Variants in KIF13A observed in about 807,000 individuals in gnomAD.
The protein encoded by KIF13A is kinesin-like protein KIF13A.
KIF13A carries 79 observed loss-of-function variants against 212.2 expected under a neutral mutation model. The observed-to-expected ratio is 0.37, with a 90% CI of 0.31 to 0.45. The LOEUF (loss-of-function observed/expected upper bound fraction) is 0.45, where lower values mean the gene tolerates loss of function less well. Ranked by LOEUF, KIF13A falls within the 20% of genes least tolerant of loss-of-function variation. The pLI, the probability that KIF13A is intolerant of heterozygous loss-of-function variation, is 1.00. For missense variants in KIF13A, 1,901 were observed against 2,209.0 expected, an observed-to-expected ratio of 0.86 and a Z score of 2.79; for synonymous variants, 789 against 808.6, an observed-to-expected ratio of 0.98 and a Z score of 0.41.
intron 2 of KIF13A, among the ~76,000 whole-genome samples, chr6:17,932,803 GA>G (rs5874615): frequency 0.63 from 91,048 of 144,538 alleles, 28,537 homozygotes; most frequent in Non-Finnish European, 0.71. Context: ...AGAATGGAAA[GA>G]AAAAAAAAAA....
intron 2 of KIF13A, among the ~76,000 whole-genome samples, chr6:17,983,529 G>A (rs12205604): frequency 0.22 from 30,174 of 134,486 alleles, 3,466 homozygotes; most frequent in African/African-American, 0.33. Flanking sequence ...GTCTCACTCC[G>A]TTGCCCAGGC....
Position 17,794,618 on chromosome 6 carries a change from T to C in KIF13A, c.3029A>G (p.His1010Arg). The stretch of plus-strand genomic sequence containing the variant: ...TCCTGTGTTGACATCTTTTGCCTGA[T>C]GAAGTTCCACTGCAGCATACTCTCC... ...ELGEYAAVEL[H>R]QAKDVNTGGI... Residue 1010 changes from histidine to arginine, a missense_variant, in exon 24 of 39, where the codon CAT becomes CGT. Physicochemically the swap from His to Arg is conservative, Grantham distance 29. This residue lies in a region of KIF13A where 168 missense variants were observed against 250.9 expected (regional missense o/e 0.67). Coordinates refer to ENST00000259711, the MANE Select transcript of KIF13A (RefSeq NM_022113.6). This position sits in a 1 kb window ranked among gnomAD's most constrained non-coding sequence, Gnocchi z 4.1. 1.2e-5 allele frequency: 19 copies of C among 1,613,662 alleles called. No homozygotes were observed. The highest frequency in any genetic ancestry group is 1.6e-5 in the Non-Finnish European group (19 of 1,179,790).
Position 17,915,305 on chromosome 6 carries a change from C to A in KIF13A, c.147-17125G>T, listed in dbSNP as rs1774397851. On this transcript the variant is annotated intron_variant, in intron 2 of 38. Transcript: ENST00000259711. The surrounding 1 kb of genome is among the most constrained non-coding windows in gnomAD (Gnocchi z 4.4). ...CTTGCCTCCACCACTTTGTAGGGAC[C>A]TTGGACCTGGTGCTTAAGCTCTCAG... 6.6e-6 allele frequency among the ~76,000 whole-genome samples: 1 copy of A among 152,158 alleles called. No individual in the cohort carries two copies. The highest frequency in any genetic ancestry group is 6.6e-5 in the Admixed American group (1 of 15,266).
chr6:17,922,652 G>A (rs957122846), intron 2 of KIF13A, among the ~76,000 whole-genome samples: 4 of 151,310 alleles, frequency 2.6e-5, no homozygotes, highest in African/African-American at 9.7e-5. Flanking sequence ...TAAAAATCAG[G>A]AAAGTGAGGT....
At position 17,839,430 on chromosome 6, in the gene KIF13A, G is replaced by A. The variant is rs186407076; in HGVS notation, c.831-1847C>T. On this transcript the variant is annotated intron_variant, in intron 9 of 38. Coordinates refer to ENST00000259711, the MANE Select transcript of KIF13A (RefSeq NM_022113.6). This position sits in a 1 kb window ranked among gnomAD's most constrained non-coding sequence, Gnocchi z 4.3. ...AATGATGAAGTGATGAATAAAATCT[G>A]GTATATACACACAGTGGAATATCAT... is the stretch of plus-strand genomic sequence containing the variant. 6.6e-6 allele frequency among the ~76,000 whole-genome samples: 1 copy of A among 152,216 alleles called. No individual in the cohort carries two copies. Among genetic ancestry groups the A allele is most frequent in the East Asian group, 1.9e-4 (1 of 5,176 alleles).
At chr6:17,981,510 C>A (rs1014393859) in intron 2 of KIF13A, among the ~76,000 whole-genome samples, 1 of 149,946 alleles carries the variant, frequency 6.7e-6, no homozygotes. Context: ...CTGCCACCTA[C>A]GCCTCCCGGG....
chr6:17,855,914 T>G lies in KIF13A; in HGVS notation c.313+116A>C, dbSNP rs1768096420. ...TTTTATAAAGACGGGTCTTACTATG[T>G]TGCCCAGGCTGGTCTCAAACTCCTG... On this transcript the variant is annotated intron_variant, in intron 5 of 38. Coordinates refer to ENST00000259711, the MANE Select transcript of KIF13A (RefSeq NM_022113.6). This position sits in a 1 kb window ranked among gnomAD's most constrained non-coding sequence, Gnocchi z 4.1. 1 of 719,680 alleles carries G rather than the reference T, an allele frequency of 1.4e-6. No individual in the cohort carries two copies. Among genetic ancestry groups the G allele is most frequent in the Admixed American group, 2.8e-5 (1 of 35,928 alleles). The allele number at this position is 719,680 out of a possible 1,614,324, so 44.6% of individuals were successfully genotyped here.
intron 3 of KIF13A, among the ~76,000 whole-genome samples, chr6:17,890,555 C>T (rs1204599090): frequency 6.6e-6 from 1 of 151,956 alleles, no homozygotes; most frequent in African/African-American, 2.4e-5. Context: ...TCTTCCTCTG[C>T]ACCACCTCCT....
In KIF13A at chr6:17,794,962, A is replaced by C; in HGVS notation, c.2943-258T>G. Reference sequence around the variant, plus strand: ...TTTTGAGAAATGCACATATGAGTGTAACCTGCCCTATCACCTCAGAAAGTT... The same window carrying C: ...TTTTGAGAAATGCACATATGAGTGTCACCTGCCCTATCACCTCAGAAAGTT... On this transcript the variant is annotated intron_variant, in intron 23 of 38. Transcript: ENST00000259711. This position sits in a 1 kb window ranked among gnomAD's most constrained non-coding sequence, Gnocchi z 4.1. 1 of 379,560 alleles carries C rather than the reference A, an allele frequency of 2.6e-6. No homozygotes were observed. Among genetic ancestry groups the C allele is most frequent in the Non-Finnish European group, 4.7e-6 (1 of 212,378 alleles). The allele number at this position is 379,560 out of a possible 1,614,324, so 23.5% of individuals were successfully genotyped here. A position where few individuals can be genotyped will look rare whatever the true frequency, so the allele number is the denominator to read the frequency against.
intron 38 of KIF13A, 195 bp downstream of exon 38, chr6:17,770,919 A>AATT (rs1759439782): frequency 7.6e-6 from 4 of 526,174 alleles, no homozygotes; most frequent in Non-Finnish European, 1.3e-5. Context: ...GCAAAAAATA[A>AATT]ATAAATAAAT....
chr6:17,817,863 G>A (rs184810880), intron 16 of KIF13A, among the ~76,000 whole-genome samples: 14 of 152,272 alleles, frequency 9.2e-5, no homozygotes, highest in Admixed American at 6.5e-4. Context: ...AACATCTCAC[G>A]TGTACAGGCA....
intron 2 of KIF13A, among the ~76,000 whole-genome samples, chr6:17,983,122 G>C: frequency 7.0e-6 from 1 of 143,414 alleles, no homozygotes; most frequent in Non-Finnish European, 1.5e-5. Context: ...GCAGTGAGCC[G>C]AGATCACGCC....
At position 17,775,321 on chromosome 6, in the gene KIF13A, A is replaced by T. The variant is rs112071948; in HGVS notation, c.4171-259T>A. ...ATATTTTATGCTTCACATAAGTGGT[A>T]TCTTACTATATATGGTCTTATTCAA... On this transcript the variant is annotated intron_variant, in intron 34 of 38. Coordinates refer to ENST00000259711, the MANE Select transcript of KIF13A (RefSeq NM_022113.6). Among the ~76,000 whole-genome samples, 829 of 152,330 alleles carry T rather than the reference A, an allele frequency of 5.4e-3. 6 individuals carry two copies. Among genetic ancestry groups the T allele is most frequent in the African/African-American group, 0.019 (785 of 41,570 alleles).
intron 26 of KIF13A, among the ~76,000 whole-genome samples, chr6:17,788,838 C>A (rs1761283255): frequency 6.6e-6 from 1 of 152,164 alleles, no homozygotes; most frequent in Admixed American, 6.5e-5. Context: ...GATTCTCCTG[C>A]CTCAGCCTCC....
intron 38 of KIF13A, among the ~76,000 whole-genome samples, chr6:17,766,698 G>A (rs1759021422): frequency 6.6e-6 from 1 of 152,082 alleles, no homozygotes; most frequent in South Asian, 2.1e-4. Context: ...GGGATTACAA[G>A]TGTGAATCAC....
At chr6:17,851,157 CA>C (rs954090311) in intron 7 of KIF13A, among the ~76,000 whole-genome samples, 2 of 151,966 alleles carry the variant, frequency 1.3e-5, no homozygotes, top group Admixed American at 6.6e-5. Context: ...ACCTTTAGAC[CA>C]AAAAAGTATC....
At chr6:17,833,014 C>CA (rs61281213) in intron 12 of KIF13A, among the ~76,000 whole-genome samples, 1,910 of 75,286 alleles carry the variant, frequency 0.025, 215 homozygotes, top group Non-Finnish European at 0.033. Context: ...ACTCTGTCTG[C>CA]AAAAAAAAAA....
intron 16 of KIF13A, among the ~76,000 whole-genome samples, chr6:17,821,130 G>C (rs1764394475): frequency 6.6e-6 from 1 of 151,994 alleles, no homozygotes; most frequent in Non-Finnish European, 1.5e-5. Context: ...CAAAGTGCTG[G>C]GATTACAGGA....
intron 25 of KIF13A, among the ~76,000 whole-genome samples, chr6:17,790,445 A>G (rs927714124): frequency 6.6e-6 from 1 of 152,148 alleles, no homozygotes; most frequent in Admixed American, 6.5e-5. Context: ...TTAGCTGGAG[A>G]TAGGAACCAA....
Sources: gnomAD v4.1 joint callset for allele counts (sites outside exome capture counted in the v4.1 genomes callset) on GRCh38, gnomAD v4.1.1 for gene constraint, gnomAD v4.1.1 regional missense constraint, Gnocchi (gnomAD v3.1) non-coding constraint, MANE v1.5 for transcripts, NCBI Gene and HGNC (gene_info 2026-07-23, HGNC 2026-07-21) for gene names.